Variants in SLC35F5 observed in about 807,000 individuals in gnomAD.
SLC35F5 encodes solute carrier family 35 member F5.
In SLC35F5, 54 loss-of-function variants were observed where a neutral mutation model predicts 68.6. The observed-to-expected ratio is 0.79, with a 90% confidence interval of 0.63 to 0.99. The LOEUF (loss-of-function observed/expected upper bound fraction) is 0.99, where lower values mean the gene tolerates loss of function less well. SLC35F5 is among the 50% of genes least tolerant of loss of function. The probability of loss-of-function intolerance (pLI) is 0.00; values close to 1 mark genes in which losing one functional copy is unlikely to be tolerated. For synonymous variants in SLC35F5, 211 were observed against 205.2 expected (o/e 1.03, Z -0.24); for missense variants, 567 against 626.9 (o/e 0.90, Z 1.02).
chr2:113,735,815 G>A lies in SLC35F5; in HGVS notation c.794C>T (p.Thr265Ile), dbSNP rs752229613. 5.6e-6 allele frequency: 9 copies of A among 1,608,882 alleles called. No homozygotes were observed. The highest frequency in any genetic ancestry group is 2.7e-5 in the African/African-American group (2 of 74,776). The change falls in exon 8 of 16, where the codon ACA becomes ATA. Residue 265 changes from threonine to isoleucine, a missense_variant. Coordinates refer to ENST00000245680, the MANE Select transcript of SLC35F5 (RefSeq NM_025181.5). ...TAAAATATTAACTATAGCAACTTGT[G>A]TGTCTGAAAGTGCTTCTTGATATGA... ...NLSYQEALSD[T>I]QVAIVNILSS...
At chr2:113,736,029 T>A (rs2104448308) in intron 7 of SLC35F5, among the ~76,000 whole-genome samples, 171 bp from the exon 8 acceptor site, 1 of 152,058 alleles carries the variant, frequency 6.6e-6, no homozygotes, top group South Asian at 2.1e-4. Flanking sequence ...CAAACATTTA[T>A]AATCAGACCT....
chr2:113,717,166 T>A (rs1574207131), intron 15 of SLC35F5, among the ~76,000 whole-genome samples: 1 of 152,136 alleles, frequency 6.6e-6, no homozygotes, highest in South Asian at 2.1e-4. Flanking sequence ...ATGTACTCTA[T>A]CATCGAAGAC....
Position 113,710,989 on chromosome 2 carries a change from C to A in SLC35F5, c.*4229G>T, listed in dbSNP as rs1427294465. ...TCTAAGTGAAAGTTAATAAAAGTAGCTCTTCAGAAAGACATCTCATGTAAA... is the reference window on the plus strand; with the variant it reads ...TCTAAGTGAAAGTTAATAAAAGTAGATCTTCAGAAAGACATCTCATGTAAA... On this transcript the variant is annotated 3_prime_UTR_variant, in exon 16 of 16. Transcript: ENST00000245680. Among the ~76,000 whole-genome samples the A allele has an allele frequency of 1.3e-5, 2 of 152,158 alleles. No individual in the cohort carries two copies. Among genetic ancestry groups the A allele is most frequent in the Non-Finnish European group, 2.9e-5 (2 of 68,038 alleles).
intron 4 of SLC35F5, among the ~76,000 whole-genome samples, chr2:113,748,117 A>C (rs1347316371): frequency 2.0e-5 from 3 of 152,172 alleles, no homozygotes; most frequent in Non-Finnish European, 4.4e-5. Flanking sequence ...AAATGAATGA[A>C]GTACAGAAAC....
At chr2:113,704,032 G>T (rs2104940017), downstream of SLC35F5, 1 of 152,576 alleles carries the variant, frequency 6.6e-6, no homozygotes, top group East Asian at 1.9e-4. Flanking sequence ...GCCGGCTCAG[G>T]AGTGAAGCTG....
chr2:113,753,549 T>C (rs530048466), intron 3 of SLC35F5, among the ~76,000 whole-genome samples: 1 of 152,312 alleles, frequency 6.6e-6, no homozygotes, highest in African/African-American at 2.4e-5. Context: ...AATAATGAGA[T>C]TGTAAAACAT....
At chr2:113,754,087 T>C (rs185262044) in intron 3 of SLC35F5, among the ~76,000 whole-genome samples, 484 of 152,074 alleles carry the variant, frequency 3.2e-3, no homozygotes, top group Non-Finnish European at 5.5e-3. Flanking sequence ...GTCAGGAGTT[T>C]GAGACCATTC....
Position 113,745,084 on chromosome 2 carries a change from CTT to C in SLC35F5, c.480+1191_480+1192del, listed in dbSNP as rs201888929. ...GTGGGTCTGGAAATAGACATAATCT[CTT>C]TGTTACACTGAAGTTTTCATTACGG... On this transcript the variant is annotated intron_variant, in intron 5 of 15. Coordinates refer to ENST00000245680, the MANE Select transcript of SLC35F5 (RefSeq NM_025181.5). 9.4e-4 allele frequency among the ~76,000 whole-genome samples: 143 copies of C among 152,248 alleles called. 1 individual carries two copies. Among genetic ancestry groups the C allele is most frequent in the African/African-American group, 3.2e-3 (134 of 41,560 alleles).
chr2:113,709,644 CAG>C lies in SLC35F5; in HGVS notation c.*5572_*5573del, dbSNP rs1245519066. Among the ~76,000 whole-genome samples, 2 of 152,204 alleles carry C rather than the reference CAG, an allele frequency of 1.3e-5. No individual in the cohort carries two copies. Among genetic ancestry groups the C allele is most frequent in the African/African-American group, 2.4e-5 (1 of 41,442 alleles). ...ATGAGGAACAGAAGGAATCCAACGT[CAG>C]AGTTAGTGCTCTTCTCAGAGTAATA... is the stretch of plus-strand genomic sequence containing the variant. On this transcript the variant is annotated 3_prime_UTR_variant, in exon 16 of 16. Coordinates refer to ENST00000245680, the MANE Select transcript of SLC35F5 (RefSeq NM_025181.5).
intron 15 of SLC35F5, 95 bp downstream of exon 15, chr2:113,717,657 TA>T (rs1209459660): frequency 6.2e-6 from 5 of 804,004 alleles, no homozygotes; most frequent in Non-Finnish European, 9.7e-6. Context: ...TCTAAGGCTG[TA>T]TTGCCTCTCA....
At chr2:113,743,167 G>T (rs1676353898) in intron 6 of SLC35F5, among the ~76,000 whole-genome samples, 1 of 152,140 alleles carries the variant, frequency 6.6e-6, no homozygotes, top group African/African-American at 2.4e-5. Flanking sequence ...CCTATTTCAG[G>T]ATTTTAGTTT....
intron 5 of SLC35F5, among the ~76,000 whole-genome samples, chr2:113,744,539 G>T (rs1676409490): frequency 6.6e-6 from 1 of 152,120 alleles, no homozygotes. Flanking sequence ...ATCACTTGAG[G>T]TCGGGAGTTC....
At chr2:113,730,627 T>G (rs1687845545) in intron 10 of SLC35F5, among the ~76,000 whole-genome samples, 3 of 152,184 alleles carry the variant, frequency 2.0e-5, no homozygotes, top group Non-Finnish European at 4.4e-5. Flanking sequence ...TATTATGAGG[T>G]CTCACTATGC....
At chr2:113,723,229 A>G in intron 12 of SLC35F5, 35 bp from the exon 13 acceptor site, 1 of 1,394,482 alleles carries the variant, frequency 7.2e-7, no homozygotes, top group Non-Finnish European at 9.6e-7. Context: ...CTATATTTAA[A>G]AAATTAAACC....
intron 10 of SLC35F5, among the ~76,000 whole-genome samples, chr2:113,730,423 A>ACACATG (rs1687836713): frequency 6.6e-6 from 1 of 152,212 alleles, no homozygotes; most frequent in Non-Finnish European, 1.5e-5. Flanking sequence ...AATCTTGCAT[A>ACACATG]CACATGCACA....
intron 7 of SLC35F5, among the ~76,000 whole-genome samples, chr2:113,739,028 G>C (rs1688192393): frequency 6.6e-6 from 1 of 150,656 alleles, no homozygotes; most frequent in South Asian, 2.1e-4. Flanking sequence ...TATGTTTGTG[G>C]CCTGCATTTG....
At chr2:113,718,910 AAAGAAAGAAAGAAAGAAAAAGAAAGG>A (rs1462353753) in intron 14 of SLC35F5, among the ~76,000 whole-genome samples, 8 of 75,454 alleles carry the variant, frequency 1.1e-4, no homozygotes, top group Non-Finnish European at 1.4e-4. Context: ...AGAAAGAAAG[AAAGAAAGAAAGAAAGAAAAAGAAAGG>A]AAGAAAGGAA....
At chr2:113,716,394 G>A (rs1443535577) in intron 15 of SLC35F5, among the ~76,000 whole-genome samples, 3 of 152,158 alleles carry the variant, frequency 2.0e-5, no homozygotes, top group Non-Finnish European at 4.4e-5. Flanking sequence ...ATACCAGGAC[G>A]AATCCTACAT....
chr2:113,717,086 C>T (rs913369296), intron 15 of SLC35F5, among the ~76,000 whole-genome samples: 1 of 152,172 alleles, frequency 6.6e-6, no homozygotes, highest in East Asian at 1.9e-4. Context: ...TCTAAATAAT[C>T]ACTTTTGTAC....
Sources: gnomAD v4.1 joint callset for allele counts (sites outside exome capture counted in the v4.1 genomes callset) on GRCh38, gnomAD v4.1.1 for gene constraint, MANE v1.5 for transcripts, NCBI Gene and HGNC (gene_info 2026-07-23, HGNC 2026-07-21) for gene names.